OPRD1: variants seen among roughly 807,000 people sequenced by gnomAD.
The protein encoded by OPRD1 is opioid receptor delta 1, also known as delta-type opioid receptor.
In OPRD1, 19 loss-of-function variants were observed where a neutral mutation model predicts 17.5. That is an observed-to-expected ratio of 1.09 (90% CI 0.76 to 1.60). The LOEUF is 1.60. Among genes scored for constraint, OPRD1 ranks in the 40% most tolerant of loss-of-function variants. OPRD1 has a pLI of 0.00. For synonymous variants in OPRD1, 256 were observed against 240.9 expected, an observed-to-expected ratio of 1.06 and a Z score of -0.58; for missense variants, 483 against 547.2, an observed-to-expected ratio of 0.88 and a Z score of 1.17.
Position 28,829,156 on chromosome 1 carries a change from G to T in OPRD1, c.227+16546G>T, listed in dbSNP as rs1029509555. Among the ~76,000 whole-genome samples, 12 of 152,238 alleles carry T rather than the reference G, an allele frequency of 7.9e-5. 1 individual carries two copies. The highest frequency in any genetic ancestry group is 4.2e-4 in the South Asian group (2 of 4,812). ...TTGTTTAGTGTAGCTGCCTTCATCA[G>T]TGATCTTTAAAGCCCCATGGACCAG... On this transcript the variant is annotated intron_variant, in intron 1 of 2. Transcript: ENST00000234961.
At chr1:28,824,414 C>T (rs1185863060) in intron 1 of OPRD1, among the ~76,000 whole-genome samples, 1 of 149,444 alleles carries the variant, frequency 6.7e-6, no homozygotes, top group African/African-American at 2.5e-5. Flanking sequence ...CCTGGGTTCA[C>T]GGCATTCTCC....
Position 28,812,578 on chromosome 1 carries a change from G to T in OPRD1, c.195G>T (p.Leu65=). The T allele has an allele frequency of 6.4e-7, 1 of 1,570,526 alleles. No individual in the cohort carries two copies. Among genetic ancestry groups the T allele is most frequent in the East Asian group, 2.4e-5 (1 of 41,086 alleles). Residue 65 remains leucine (L), a synonymous_variant, in exon 1 of 3, where the codon CTG becomes CTT. Coordinates refer to ENST00000234961, the MANE Select transcript of OPRD1 (RefSeq NM_000911.4). ...CGGCCGTGTGCGCCGTGGGGCTGCT[G>T]GGCAACGTGCTTGTCATGTTCGGCA... ...LYSAVCAVGL[L]GNVLVMFGIV...
chr1:28,812,323 G>A lies in OPRD1; in HGVS notation c.-61G>A. 1 of 1,193,558 alleles carries A rather than the reference G, an allele frequency of 8.4e-7. No individual in the cohort carries two copies. Among genetic ancestry groups the A allele is most frequent in the Non-Finnish European group, 1.1e-6 (1 of 947,242 alleles). The allele number at this position is 1,193,558 out of a possible 1,614,324, so 73.9% of individuals were successfully genotyped here. A position where few individuals can be genotyped will look rare whatever the true frequency, so the allele number is the denominator to read the frequency against. Reference sequence around the variant, plus strand: ...GCCTCTGCCTTGCCGCTCCCCTCGCGTCGGATCCCCGCGCCCAGGGCGCAC... The same window carrying A: ...GCCTCTGCCTTGCCGCTCCCCTCGCATCGGATCCCCGCGCCCAGGGCGCAC... On this transcript the variant is annotated 5_prime_UTR_variant, in exon 1 of 3. Coordinates refer to ENST00000234961, the MANE Select transcript of OPRD1 (RefSeq NM_000911.4).
intron 1 of OPRD1, among the ~76,000 whole-genome samples, chr1:28,843,223 T>C (rs1025898849): frequency 3.3e-5 from 5 of 152,152 alleles, no homozygotes; most frequent in Non-Finnish European, 7.3e-5. Context: ...ACTCCCAAGC[T>C]TAGAAAATAA....
intron 1 of OPRD1, among the ~76,000 whole-genome samples, chr1:28,818,349 A>T (rs2088687332): frequency 6.6e-6 from 1 of 152,036 alleles, no homozygotes; most frequent in Non-Finnish European, 1.5e-5. Flanking sequence ...GGCTCCTAAC[A>T]CAGCTATGTC....
rs2088636091 is a variant in OPRD1 at position 28,812,288 on chromosome 1, C to T, written c.-96C>T. ...GCCGGGGCGCGGCAGCCGGCGGCGTCGGGGCCGCGGCCTCTGCCTTGCCGC... is the reference window on the plus strand; with the variant it reads ...GCCGGGGCGCGGCAGCCGGCGGCGTTGGGGCCGCGGCCTCTGCCTTGCCGC... On this transcript the variant is annotated 5_prime_UTR_variant, in exon 1 of 3. Coordinates refer to ENST00000234961, the MANE Select transcript of OPRD1 (RefSeq NM_000911.4). The T allele has an allele frequency of 1.2e-6, 1 of 848,544 alleles. No homozygotes were observed. The highest frequency in any genetic ancestry group is 1.5e-6 in the Non-Finnish European group (1 of 653,722). The allele number at this position is 848,544 out of a possible 1,614,324, so 52.6% of individuals were successfully genotyped here.
At chr1:28,823,008 A>G (rs1025441604) in intron 1 of OPRD1, among the ~76,000 whole-genome samples, 1 of 151,996 alleles carries the variant, frequency 6.6e-6, no homozygotes, top group African/African-American at 2.4e-5. Context: ...GGCTTAAATG[A>G]ACAATTTACC....
At chr1:28,849,377 G>A (rs550405549) in intron 1 of OPRD1, among the ~76,000 whole-genome samples, 3 of 152,324 alleles carry the variant, frequency 2.0e-5, no homozygotes, top group Non-Finnish European at 4.4e-5. Context: ...CTGAAGGCCA[G>A]AGAAGAGACC....
At chr1:28,828,550 G>A (rs988795242) in intron 1 of OPRD1, among the ~76,000 whole-genome samples, 7 of 152,016 alleles carry the variant, frequency 4.6e-5, no homozygotes, top group South Asian at 2.1e-4. Context: ...GGCTGGGTGC[G>A]GTGGCTCATA....
chr1:28,835,825 A>G (rs540991882), intron 1 of OPRD1, among the ~76,000 whole-genome samples: 46 of 152,298 alleles, frequency 3.0e-4, no homozygotes, highest in Non-Finnish European at 1.0e-4. Flanking sequence ...CCTGAGACCC[A>G]AGCTAGGCCC....
At chr1:28,846,845 CT>C (rs58265288) in intron 1 of OPRD1, among the ~76,000 whole-genome samples, 10,225 of 58,042 alleles carry the variant, frequency 0.18, 466 homozygotes, top group African/African-American at 0.22. Context: ...TTCTTTCTTT[CT>C]TTTCTTTCTT....
Position 28,862,494 on chromosome 1 carries a change from G to A in OPRD1, c.578-248G>A, listed in dbSNP as rs1557581300. On this transcript the variant is annotated intron_variant, in intron 2 of 2. Transcript: ENST00000234961. ...CACCCATGGACACAAAGGCTGAAAA[G>A]GGGCCAGGAGAGAACATAGGGGACC... 3.9e-5 allele frequency among the ~76,000 whole-genome samples: 6 copies of A among 152,328 alleles called. No homozygotes were observed. In the South Asian group the frequency reaches 1.2e-3, roughly 32 times the overall value.
chr1:28,820,067 C>T (rs1369647962), intron 1 of OPRD1, among the ~76,000 whole-genome samples: 1 of 152,108 alleles, frequency 6.6e-6, no homozygotes, highest in Non-Finnish European at 1.5e-5. Context: ...TGAGGGACTT[C>T]AGCACAGAGC....
intron 1 of OPRD1, among the ~76,000 whole-genome samples, chr1:28,820,918 A>T: frequency 6.6e-6 from 1 of 151,882 alleles, no homozygotes. Flanking sequence ...CCATATTTAA[A>T]AAAAAATTTT....
chr1:28,815,056 A>G (rs1420986320), intron 1 of OPRD1, among the ~76,000 whole-genome samples: 1 of 152,180 alleles, frequency 6.6e-6, no homozygotes, highest in Non-Finnish European at 1.5e-5. Context: ...ACTTTTCTCC[A>G]GAGTTGCCTG....
intron 1 of OPRD1, among the ~76,000 whole-genome samples, chr1:28,858,544 C>T (rs984430464): frequency 2.2e-5 from 3 of 133,554 alleles, no homozygotes; most frequent in Non-Finnish European, 3.2e-5. Flanking sequence ...TGCCCCAACC[C>T]TTTTTTTTTT....
chr1:28,847,093 C>T (rs2088960851), intron 1 of OPRD1, among the ~76,000 whole-genome samples: 1 of 143,116 alleles, frequency 7.0e-6, no homozygotes, highest in South Asian at 2.3e-4. Context: ...CTCTTGTGGC[C>T]CAGGCTGGAG....
At chr1:28,828,687 TA>T (rs71027300) in intron 1 of OPRD1, among the ~76,000 whole-genome samples, 8,939 of 102,188 alleles carry the variant, frequency 0.087, 469 homozygotes, top group African/African-American at 0.21. Flanking sequence ...CTCGATCTCT[TA>T]AAAAAAAAAA....
chr1:28,839,599 G>A (rs948035984), intron 1 of OPRD1, among the ~76,000 whole-genome samples: 1 of 152,160 alleles, frequency 6.6e-6, no homozygotes. Context: ...GTGCGACTGG[G>A]TGTAGACGTT....
Sources: allele counts gnomAD v4.1 joint callset (sites outside exome capture counted in the v4.1 genomes callset), GRCh38; gene constraint gnomAD v4.1.1; transcripts MANE v1.5; gene names NCBI Gene and HGNC (gene_info 2026-07-23, HGNC 2026-07-21).